The following BAHD1 variants were observed in gnomAD, a reference collection of about 807,000 sequenced individuals.
BAHD1 encodes the protein bromo adjacent homology domain containing 1.
Under a neutral mutation model 63.1 loss-of-function variants are expected in BAHD1, and 20 were observed. That is an observed-to-expected ratio of 0.32 (90% CI 0.22 to 0.46). The LOEUF (loss-of-function observed/expected upper bound fraction) is 0.46, where lower values mean the gene tolerates loss of function less well. BAHD1 is among the 20% of genes least tolerant of loss of function. The probability of loss-of-function intolerance (pLI) is 1.00; values close to 1 mark genes in which losing one functional copy is unlikely to be tolerated. For missense variants in BAHD1, 939 were observed against 1,071.8 expected (o/e 0.88, Z 1.73); for synonymous variants, 408 against 426.8 (o/e 0.96, Z 0.54).
At chr15:40,453,658 A>G (rs1893768249) in intron 1 of BAHD1, 1 of 152,224 alleles carries the variant, frequency 6.6e-6, no homozygotes, top group Non-Finnish European at 1.5e-5. Context: ...CTCTCATTAA[A>G]AATAAACCGG....
intron 1 of BAHD1, among the ~76,000 whole-genome samples, chr15:40,457,327 A>G (rs1893877888): frequency 9.4e-6 from 1 of 106,530 alleles, no homozygotes; most frequent in Non-Finnish European, 1.9e-5. Flanking sequence ...CCTTACTGTT[A>G]CCCTTGCCCT....
At chr15:40,461,719 C>T (rs1028117191) in intron 2 of BAHD1, among the ~76,000 whole-genome samples, 193 bp from the exon 3 acceptor site, 1 of 152,146 alleles carries the variant, frequency 6.6e-6, no homozygotes, top group Non-Finnish European at 1.5e-5. Flanking sequence ...GGCCAATCTC[C>T]AAGATCAGGA....
At chr15:40,454,889 C>A (rs747157274) in intron 1 of BAHD1, among the ~76,000 whole-genome samples, 3 of 152,134 alleles carry the variant, frequency 2.0e-5, no homozygotes, top group Non-Finnish European at 2.9e-5. Flanking sequence ...CCCCTCTCCC[C>A]AACCAGCCCT....
intron 1 of BAHD1, among the ~76,000 whole-genome samples, chr15:40,447,597 AAT>A (rs2141478425): frequency 1.1e-5 from 1 of 93,860 alleles, no homozygotes; most frequent in African/African-American, 3.3e-5. Context: ...TAAATAAATA[AAT>A]AAATAAATAA....
Position 40,458,757 on chromosome 15 carries a change from A to G in BAHD1, c.293A>G (p.Lys98Arg), listed in dbSNP as rs1409836972. The G allele has an allele frequency of 6.2e-7, 1 of 1,613,204 alleles. No homozygotes were observed. The highest frequency in any genetic ancestry group is 1.1e-5 in the South Asian group (1 of 91,082). Residue 98 changes from lysine (K) to arginine (R), a missense_variant, in exon 2 of 7, where the codon AAG (lysine) becomes AGG (arginine). This residue lies in a region of BAHD1 where 797 missense variants were observed against 813.3 expected (regional missense o/e 0.98). Transcript: ENST00000416165. This position sits in a 1 kb window ranked among gnomAD's most constrained non-coding sequence, Gnocchi z 4.7. ...GATGAGCTACCGCCTGACCTGCCCA[A>G]GCCCCCCAGCCCGGCCCCATCCAGT... ...EADELPPDLP[K>R]PPSPAPSSED... is the part of the protein sequence containing the mutation.
At chr15:40,464,253 TC>T in intron 4 of BAHD1, 3 of 648,668 alleles carry the variant, frequency 4.6e-6, no homozygotes, top group Non-Finnish European at 5.3e-6. Context: ...TGGGCACCTG[TC>T]CCCCCACCTC....
chr15:40,441,659 C>T (rs930749485), intron 1 of BAHD1, among the ~76,000 whole-genome samples: 3 of 147,074 alleles, frequency 2.0e-5, no homozygotes, highest in Non-Finnish European at 3.0e-5. Flanking sequence ...CGGGAGGACG[C>T]CGGTCTTTCC....
intron 2 of BAHD1, 44 bp downstream of exon 2, chr15:40,459,940 C>A: frequency 6.6e-7 from 1 of 1,521,812 alleles, no homozygotes; most frequent in Non-Finnish European, 8.8e-7. Flanking sequence ...GTCTCGGAGA[C>A]ATGGCATCCC....
At position 40,458,413 on chromosome 15, in the gene BAHD1, G is replaced by T. The variant is rs1893911591; in HGVS notation, c.-14-38G>T. 6.6e-7 allele frequency: 1 copy of T among 1,524,608 alleles called. No homozygotes were observed. Among genetic ancestry groups the T allele is most frequent in the East Asian group, 2.3e-5 (1 of 43,910 alleles). The allele number at this position is 1,524,608 out of a possible 1,614,324, so 94.4% of individuals were successfully genotyped here. ...AGAGAAAGCAGGCAGGAGCAGGCCA[G>T]AGAGGGCTTCTCTCATTGCCCACCT... On this transcript the variant is annotated intron_variant, in intron 1 of 6. Transcript: ENST00000416165. This position sits in a 1 kb window ranked among gnomAD's most constrained non-coding sequence, Gnocchi z 4.7.
chr15:40,453,098 G>A (rs1443257244), intron 1 of BAHD1, among the ~76,000 whole-genome samples: 1 of 152,202 alleles, frequency 6.6e-6, no homozygotes, highest in African/African-American at 2.4e-5. Flanking sequence ...TTGGAAGGAT[G>A]GGGGAGGTTG....
At chr15:40,461,438 G>T (rs1894035272) in intron 2 of BAHD1, among the ~76,000 whole-genome samples, 1 of 152,142 alleles carries the variant, frequency 6.6e-6, no homozygotes, top group Non-Finnish European at 1.5e-5. Context: ...AGTAGGTTGA[G>T]ACCAGCCTGT....
At chr15:40,446,535 T>A (rs1893544825) in intron 1 of BAHD1, among the ~76,000 whole-genome samples, 1 of 152,124 alleles carries the variant, frequency 6.6e-6, no homozygotes, top group East Asian at 1.9e-4. Flanking sequence ...CACAAAAAAA[T>A]AACATTGTCT....
intron 1 of BAHD1, among the ~76,000 whole-genome samples, chr15:40,455,099 C>G (rs1004202023): frequency 1.3e-5 from 2 of 152,222 alleles, no homozygotes; most frequent in Admixed American, 6.5e-5. Context: ...CTTAAGATGC[C>G]GAGTGGCTGG....
At chr15:40,449,829 AAAAG>A (rs1893653394) in intron 1 of BAHD1, among the ~76,000 whole-genome samples, 2 of 151,940 alleles carry the variant, frequency 1.3e-5, no homozygotes, top group South Asian at 4.2e-4. Flanking sequence ...AAAAAAAAAA[AAAAG>A]AAAATGAAAA....
At position 40,466,123 on chromosome 15, in the gene BAHD1, C is replaced by T; in HGVS notation, c.2336C>T (p.Pro779Leu). 6.2e-7 allele frequency: 1 copy of T among 1,612,492 alleles called. No homozygotes were observed. Among genetic ancestry groups the T allele is most frequent in the Non-Finnish European group, 8.5e-7 (1 of 1,179,060 alleles). ...CGCCACGGGCGCATCCTTAAGAACCCCCAGTAGCCTCCTCATGCCCATGCT... is the reference window on the plus strand; with the variant it reads ...CGCCACGGGCGCATCCTTAAGAACCTCCAGTAGCCTCCTCATGCCCATGCT... Reference protein sequence around the residue: ...DFRHGRILKNPQ With the variant: ...DFRHGRILKNLQ The change falls in exon 7 of 7, where the codon CCC becomes CTC. Residue 779 changes from proline to leucine, a missense_variant. By Grantham distance (98) the Pro-to-Leu change is moderately conservative. This residue lies in a region of BAHD1 where 68 missense variants were observed against 86.2 expected (regional missense o/e 0.79). Transcript: ENST00000416165.
At position 40,463,938 on chromosome 15, in the gene BAHD1, C is replaced by A; in HGVS notation, c.1893C>A (p.Thr631=). ...RHGETIRVRD[T]VLLKSGPRKT... is the part of the protein sequence containing the mutation. Reference sequence around the variant, plus strand: ...GGGAGACAATCCGAGTCCGGGACACCGTCCTTCTCAAATCAGGCCCACGAA... The same window carrying A: ...GGGAGACAATCCGAGTCCGGGACACAGTCCTTCTCAAATCAGGCCCACGAA... Residue 631 remains threonine, a synonymous_variant, in exon 4 of 7, where the codon ACC becomes ACA. Transcript: ENST00000416165. The A allele has an allele frequency of 6.2e-7, 1 of 1,614,208 alleles. No homozygotes were observed. Among genetic ancestry groups the A allele is most frequent in the Non-Finnish European group, 8.5e-7 (1 of 1,180,044 alleles).
At chr15:40,460,670 C>G (rs1379787057) in intron 2 of BAHD1, among the ~76,000 whole-genome samples, 1 of 152,180 alleles carries the variant, frequency 6.6e-6, no homozygotes, top group African/African-American at 2.4e-5. Context: ...CCTCACCTGC[C>G]TCTTCAGGCT....
chr15:40,451,881 C>T (rs1454878629), intron 1 of BAHD1, among the ~76,000 whole-genome samples: 1 of 152,136 alleles, frequency 6.6e-6, no homozygotes, highest in Non-Finnish European at 1.5e-5. Flanking sequence ...GGGACATGTG[C>T]CTTTTAAGAA....
chr15:40,460,698 G>T (rs747800524), intron 2 of BAHD1, among the ~76,000 whole-genome samples: 3 of 152,162 alleles, frequency 2.0e-5, no homozygotes, highest in Non-Finnish European at 4.4e-5. Flanking sequence ...TGCCTCCTGG[G>T]TGGAAATGAG....
Sources: gnomAD v4.1 joint callset for allele counts (sites outside exome capture counted in the v4.1 genomes callset) on GRCh38, gnomAD v4.1.1 for gene constraint, gnomAD v4.1.1 regional missense constraint, Gnocchi (gnomAD v3.1) non-coding constraint, MANE v1.5 for transcripts, NCBI Gene and HGNC (gene_info 2026-07-23, HGNC 2026-07-21) for gene names.